The following SHISA6 variants were observed in gnomAD, a reference collection of about 807,000 sequenced individuals.
The protein encoded by SHISA6 is shisa family member 6.
Under a neutral mutation model 47.9 loss-of-function variants are expected in SHISA6, and 22 were observed. The ratio of observed to expected loss-of-function variants is 0.46; its 90% CI spans 0.33 to 0.66. SHISA6 has a LOEUF of 0.66. SHISA6 is among the 30% of genes least tolerant of loss of function. The probability of loss-of-function intolerance (pLI) is 0.02; values close to 1 mark genes in which losing one functional copy is unlikely to be tolerated. For synonymous variants in SHISA6, 388 were observed against 337.8 expected, an observed-to-expected ratio of 1.15 and a Z score of -1.63; for missense variants, 680 against 764.6, an observed-to-expected ratio of 0.89 and a Z score of 1.30.
chr17:11,419,146 A>T (rs372886206), intron 3 of SHISA6, among the ~76,000 whole-genome samples: 1 of 152,108 alleles, frequency 6.6e-6, no homozygotes, highest in Non-Finnish European at 1.5e-5. Flanking sequence ...CAGCACACCA[A>T]CGTGGCACAT....
At position 11,431,937 on chromosome 17, in the gene SHISA6, C is replaced by G. The variant is rs569645804; in HGVS notation, c.895+52428C>G. ...CATCACTGGCCTGTCCAACCACCCC[C>G]ACACTCCCATTATATAGATGTAACA... On this transcript the variant is annotated intron_variant, in intron 3 of 5. Transcript: ENST00000441885. 2.0e-5 allele frequency among the ~76,000 whole-genome samples: 3 copies of G among 152,288 alleles called. 1 individual carries two copies. The highest frequency in any genetic ancestry group is 7.2e-5 in the African/African-American group (3 of 41,564).
chr17:11,416,692 A>G (rs1364913841), intron 3 of SHISA6, among the ~76,000 whole-genome samples: 1 of 152,204 alleles, frequency 6.6e-6, no homozygotes, highest in African/African-American at 2.4e-5. Context: ...TATATTCTTT[A>G]TGTATATTGA....
At chr17:11,383,000 C>T (rs778977177) in intron 3 of SHISA6, among the ~76,000 whole-genome samples, 2 of 131,698 alleles carry the variant, frequency 1.5e-5, no homozygotes, top group African/African-American at 2.9e-5. Flanking sequence ...TGCAGTGGCA[C>T]GATTGTGGCT....
At chr17:11,391,946 A>G (rs1472170090) in intron 3 of SHISA6, among the ~76,000 whole-genome samples, 3 of 152,058 alleles carry the variant, frequency 2.0e-5, no homozygotes, top group African/African-American at 4.8e-5. Context: ...ATCCTTGTTT[A>G]CCAGTAATAA....
intron 1 of SHISA6, among the ~76,000 whole-genome samples, chr17:11,256,936 C>T (rs934197398): frequency 2.6e-5 from 4 of 152,186 alleles, no homozygotes; most frequent in Admixed American, 6.5e-5. Context: ...GAAACTCGCT[C>T]GGCTTGCCTG....
At chr17:11,438,227 A>G (rs941307174) in intron 3 of SHISA6, among the ~76,000 whole-genome samples, 1 of 152,120 alleles carries the variant, frequency 6.6e-6, no homozygotes, top group African/African-American at 2.4e-5. Context: ...CACAAACTAA[A>G]CTATTTCGAC....
At chr17:11,432,381 A>C (rs1914804913) in intron 3 of SHISA6, among the ~76,000 whole-genome samples, 1 of 152,170 alleles carries the variant, frequency 6.6e-6, no homozygotes, top group South Asian at 2.1e-4. Context: ...TGATGTTTAC[A>C]CTCAGCCTAC....
intron 3 of SHISA6, among the ~76,000 whole-genome samples, chr17:11,511,762 G>A (rs1410039285): frequency 6.6e-6 from 1 of 152,174 alleles, no homozygotes; most frequent in Non-Finnish European, 1.5e-5. Flanking sequence ...CGTTCCTTCT[G>A]TGTGCAAAGC....
intron 2 of SHISA6, among the ~76,000 whole-genome samples, chr17:11,349,900 C>T (rs900241371): frequency 2.6e-5 from 4 of 152,144 alleles, no homozygotes; most frequent in African/African-American, 9.7e-5. Context: ...AGCCCCTGCA[C>T]TGGGCCTTCT....
chr17:11,528,907 A>G (rs1206132191), intron 3 of SHISA6, among the ~76,000 whole-genome samples: 1 of 152,208 alleles, frequency 6.6e-6, no homozygotes, highest in African/African-American at 2.4e-5. Flanking sequence ...AAATAGTCTT[A>G]AATGGCCGGG....
chr17:11,390,796 T>C (rs1189933818), intron 3 of SHISA6, among the ~76,000 whole-genome samples: 1 of 152,104 alleles, frequency 6.6e-6, no homozygotes, highest in African/African-American at 2.4e-5. Flanking sequence ...CTGTTCTAGA[T>C]AGGGAACCAA....
chr17:11,249,317 C>T (rs553649367), intron 1 of SHISA6, among the ~76,000 whole-genome samples: 3 of 151,290 alleles, frequency 2.0e-5, no homozygotes, highest in South Asian at 2.1e-4. Flanking sequence ...TGTGTGTGGA[C>T]GTGTGTGTGC....
chr17:11,475,879 G>A (rs1445496309), intron 3 of SHISA6, among the ~76,000 whole-genome samples: 1 of 151,926 alleles, frequency 6.6e-6, no homozygotes. Flanking sequence ...TTCCTTAAAT[G>A]TTTGGTAGAG....
chr17:11,276,366 A>G (rs1908892724), intron 2 of SHISA6, among the ~76,000 whole-genome samples: 1 of 151,966 alleles, frequency 6.6e-6, no homozygotes, highest in Admixed American at 6.6e-5. Flanking sequence ...TGGGAGGGAG[A>G]TGGGACTTGG....
At chr17:11,431,120 G>A (rs972819063) in intron 3 of SHISA6, among the ~76,000 whole-genome samples, 2 of 152,146 alleles carry the variant, frequency 1.3e-5, no homozygotes, top group Admixed American at 6.5e-5. Context: ...TTCTTCCGTC[G>A]GAAAGACGGG....
At chr17:11,552,773 T>C (rs539323143) in intron 4 of SHISA6, among the ~76,000 whole-genome samples, 4 of 152,278 alleles carry the variant, frequency 2.6e-5, no homozygotes, top group East Asian at 1.9e-4. Flanking sequence ...GAGGAAGAGA[T>C]TGGAATATTT....
At chr17:11,514,589 C>T (rs2071567315) in intron 3 of SHISA6, among the ~76,000 whole-genome samples, 1 of 152,216 alleles carries the variant, frequency 6.6e-6, no homozygotes, top group South Asian at 2.1e-4. Context: ...TGACCTCAGC[C>T]TTCCTCACAT....
At chr17:11,303,251 G>T (rs538004332) in intron 2 of SHISA6, among the ~76,000 whole-genome samples, 1 of 151,864 alleles carries the variant, frequency 6.6e-6, no homozygotes, top group Non-Finnish European at 1.5e-5. Flanking sequence ...GAGTGTGGTT[G>T]TGTGATTGTG....
At chr17:11,485,283 T>C (rs1350745024) in intron 3 of SHISA6, among the ~76,000 whole-genome samples, 1 of 151,950 alleles carries the variant, frequency 6.6e-6, no homozygotes, top group Non-Finnish European at 1.5e-5. Flanking sequence ...AGAACCACCA[T>C]AGATGGGGCA....
Sources: gnomAD v4.1 joint callset for allele counts (sites outside exome capture counted in the v4.1 genomes callset) on GRCh38, gnomAD v4.1.1 for gene constraint, MANE v1.5 for transcripts, NCBI Gene and HGNC (gene_info 2026-07-23, HGNC 2026-07-21) for gene names.